Variants in XIST observed in about 807,000 individuals in gnomAD.
The protein encoded by XIST is X inactive specific transcript (non-protein coding).
exon 1 of XIST, chrX:73,843,922 A>G (rs761727815): frequency 1.8e-5 from 10 of 556,425 alleles, no homozygotes; most frequent in Non-Finnish European, 2.9e-5. Context: ...AAGACAAAAG[A>G]AAATTTCAAT....
chrX:73,843,278 T>G (rs750116102), exon 1 of XIST: 2 of 558,646 alleles, frequency 3.6e-6, no homozygotes, highest in Non-Finnish European at 6.5e-6. Context: ...ACATTAACAG[T>G]ACAAGGGGCC....
chrX:73,827,211 C>T (rs1219265115), exon 6 of XIST: 3 of 556,493 alleles, frequency 5.4e-6, no homozygotes, highest in Admixed American at 2.2e-5. Context: ...CATAAGGAAC[C>T]GCTCCACAAT....
At chrX:73,842,387 T>C (rs1922616002) in exon 1 of XIST, 2 of 547,959 alleles carry the variant, frequency 3.6e-6, no homozygotes, top group African/African-American at 4.5e-5. Flanking sequence ...TCCAGCTCCC[T>C]GGGTCTGACT....
exon 1 of XIST, chrX:73,852,432 C>CA: frequency 1.8e-6 from 1 of 548,695 alleles, no homozygotes; most frequent in Non-Finnish European, 3.3e-6. Flanking sequence ...CCACAAAAAA[C>CA]AGAGATGTCA....
exon 1 of XIST, chrX:73,844,024 G>A: frequency 1.8e-6 from 1 of 558,954 alleles, no homozygotes; most frequent in Non-Finnish European, 3.2e-6. Context: ...AGAAGTGATA[G>A]GGTTGTGGAC....
At chrX:73,843,290 T>C (rs1363851662) in exon 1 of XIST, 2 of 556,686 alleles carry the variant, frequency 3.6e-6, no homozygotes, top group East Asian at 3.3e-5. Context: ...CAAGGGGCCT[T>C]AGTGGGTCAG....
At chrX:73,846,324 C>T (rs766709371) in exon 1 of XIST, 21 of 554,886 alleles carry the variant, frequency 3.8e-5, no homozygotes, top group Non-Finnish European at 6.8e-5. Context: ...TTAACAATTA[C>T]GCACCTTGAC....
exon 5 of XIST, chrX:73,829,128 T>C (rs1198600434): frequency 1.8e-6 from 1 of 557,248 alleles, no homozygotes; most frequent in African/African-American, 2.2e-5. Flanking sequence ...GTGGGAAGGC[T>C]GACTTCCTTC....
exon 1 of XIST, chrX:73,852,411 A>G: frequency 1.8e-6 from 1 of 549,164 alleles, no homozygotes; most frequent in Non-Finnish European, 3.3e-6. Context: ...GTGGAAGAGT[A>G]AAAAACTGAT....
At chrX:73,830,433 C>T (rs1471722031) in intron 4 of XIST, among the ~76,000 whole-genome samples, 1 of 111,895 alleles carries the variant, frequency 8.9e-6, no homozygotes, top group Non-Finnish European at 1.9e-5. Context: ...TTTATTGCAC[C>T]GAATGGTCAC....
rs765513516 is a variant in XIST at position 73,850,540 on chromosome X, A to G, written n.2184T>C. 1.1e-5 allele frequency: 6 copies of G among 550,896 alleles called. No individual in the cohort carries two copies. The South Asian group carries it at 1.4e-4, about 13-fold the overall frequency. The allele number at this position is 550,896 out of a possible 1,213,427, so 45.4% of individuals were successfully genotyped here. A position where few individuals can be genotyped will look rare whatever the true frequency, so the allele number is the denominator to read the frequency against. ...AAGGGGTAGGTGTTCCTCTTGAGGA[A>G]GGCAGGAATTCCTCTTCTGCCACCT... On this transcript the variant is annotated non_coding_transcript_exon_variant, in exon 1 of 6. Coordinates refer to ENST00000429829, the Ensembl canonical transcript of XIST.
exon 1 of XIST, chrX:73,852,577 T>C (rs763953418): frequency 6.1e-6 from 3 of 493,405 alleles, no homozygotes; most frequent in South Asian, 5.7e-5. Context: ...AAAAAAATAT[T>C]TTATGGAATT....
chrX:73,850,407 A>G, exon 1 of XIST: 2 of 541,102 alleles, frequency 3.7e-6, no homozygotes, highest in Non-Finnish European at 3.3e-6. Flanking sequence ...ACATTTCTAT[A>G]ATAGTCACTT....
rs189945616 is a variant in XIST at position 73,834,715 on chromosome X, G to A, written n.11407-1341C>T. ...TTAATAATCACATAGGCCAGGCGCA[G>A]TGGCTCATGCCTGTAATCCTAGCAC... On this transcript the variant is annotated intron_variant and non_coding_transcript_variant, in intron 2 of 5. Coordinates refer to ENST00000429829, the Ensembl canonical transcript of XIST. Among the ~76,000 whole-genome samples the A allele has an allele frequency of 2.3e-3, 258 of 111,263 alleles. 1 individual carries two copies. The highest frequency in any genetic ancestry group is 7.9e-3 in the African/African-American group (242 of 30,609).
At chrX:73,827,586 C>T (rs1379614026) in exon 6 of XIST, 1 of 545,587 alleles carries the variant, frequency 1.8e-6, no homozygotes, top group South Asian at 2.3e-5. Context: ...AGAAAGGAGG[C>T]CAGACTCAGA....
At chrX:73,832,014 T>C (rs1289076543) in intron 3 of XIST, among the ~76,000 whole-genome samples, 2 of 112,091 alleles carry the variant, frequency 1.8e-5, no homozygotes, top group African/African-American at 6.5e-5. Flanking sequence ...AAACCAAGAA[T>C]GGTCACAAGC....
At chrX:73,846,305 T>G in exon 1 of XIST, 1 of 558,133 alleles carries the variant, frequency 1.8e-6, no homozygotes, top group Non-Finnish European at 3.2e-6. Context: ...GGTGCATGGT[T>G]GTGTTCACTT....
exon 1 of XIST, chrX:73,847,314 A>T (rs748814566): frequency 1.1e-5 from 6 of 537,987 alleles, no homozygotes; most frequent in African/African-American, 2.2e-5. Context: ...GCATTTAAGC[A>T]GTATAAGAGA....
chrX:73,826,197 C>T, exon 6 of XIST: 1 of 559,363 alleles, frequency 1.8e-6, no homozygotes, highest in Non-Finnish European at 3.2e-6. Flanking sequence ...TAATTCTTCT[C>T]ATTGGCCTGG....
Sources: allele counts gnomAD v4.1 joint callset (sites outside exome capture counted in the v4.1 genomes callset), GRCh38; gene constraint gnomAD v4.1.1; transcripts MANE v1.5; gene names NCBI Gene and HGNC (gene_info 2026-07-23, HGNC 2026-07-21).